TRPM3: variants seen among roughly 807,000 people sequenced by gnomAD.
TRPM3 encodes the protein long transient receptor potential channel 3.
A neutral mutation model predicts 181.2 loss-of-function variants in TRPM3; 77 were observed. The observed-to-expected ratio is 0.42, with a 90% CI of 0.35 to 0.51. TRPM3 has a LOEUF of 0.51. Ranked by LOEUF, TRPM3 falls within the 20% of genes least tolerant of loss-of-function variation. The pLI is 0.01. For synonymous variants in TRPM3, 745 were observed against 796.4 expected, an observed-to-expected ratio of 0.94 and a Z score of 1.09; for missense variants, 1,759 against 2,196.7, an observed-to-expected ratio of 0.80 and a Z score of 3.98.
intron 1 of TRPM3, among the ~76,000 whole-genome samples, chr9:71,190,831 G>A (rs2077976086): frequency 6.6e-6 from 1 of 151,738 alleles, no homozygotes; most frequent in Non-Finnish European, 1.5e-5. Flanking sequence ...CGTCCTGTAA[G>A]GACTCTACGA....
intron 1 of TRPM3, among the ~76,000 whole-genome samples, chr9:71,219,077 T>C (rs1588010827): frequency 6.6e-6 from 1 of 152,218 alleles, no homozygotes. Flanking sequence ...GGTGGTTTCA[T>C]GGCTGTGTAA....
At chr9:71,239,924 C>CTGTT (rs10688385) in intron 1 of TRPM3, among the ~76,000 whole-genome samples, 64,998 of 151,484 alleles carry the variant, frequency 0.43, 14,278 homozygotes, top group East Asian at 0.52. Flanking sequence ...TTTTCAAAGA[C>CTGTT]TGCCTATTTA....
intron 6 of TRPM3, chr9:70,825,055 G>A (rs1468975811): frequency 6.6e-6 from 1 of 152,142 alleles, no homozygotes; most frequent in African/African-American, 2.4e-5. Context: ...CAGTAATGAG[G>A]GAAGTTGACC....
chr9:70,986,130 C>A (rs35118068), intron 1 of TRPM3, among the ~76,000 whole-genome samples: 1 of 151,972 alleles, frequency 6.6e-6, no homozygotes, highest in African/African-American at 2.4e-5. Flanking sequence ...GAGGCCAAGG[C>A]AGGAGGATCC....
At chr9:71,156,376 G>C (rs1028160225) in intron 1 of TRPM3, among the ~76,000 whole-genome samples, 9 of 138,372 alleles carry the variant, frequency 6.5e-5, no homozygotes, top group African/African-American at 8.0e-5. Flanking sequence ...ATATACTACA[G>C]ACACACACAC....
intron 1 of TRPM3, among the ~76,000 whole-genome samples, chr9:71,256,822 A>G (rs995180157): frequency 3.3e-5 from 5 of 152,192 alleles, no homozygotes; most frequent in African/African-American, 1.2e-4. Context: ...GGCTGATATG[A>G]AATTTGAAGG....
intron 19 of TRPM3, among the ~76,000 whole-genome samples, chr9:70,606,610 TTGACA>T (rs938014298): frequency 5.3e-5 from 8 of 150,276 alleles, no homozygotes; most frequent in African/African-American, 2.0e-4. Context: ...GTAGATTATC[TTGACA>T]TGACATGCTT....
chr9:71,168,648 T>TG (rs1178385159), intron 1 of TRPM3, among the ~76,000 whole-genome samples: 8 of 148,088 alleles, frequency 5.4e-5, no homozygotes, highest in Non-Finnish European at 1.0e-4. Context: ...TTTATTTTTT[T>TG]TTTTATTATT....
At chr9:70,983,667 C>T (rs3124518) in intron 1 of TRPM3, among the ~76,000 whole-genome samples, 149,598 of 152,332 alleles carry the variant, frequency 0.98, 73,504 homozygotes, top group East Asian at 1. Flanking sequence ...AGCCTGATTA[C>T]AGGCTGTTGG....
intron 3 of TRPM3, among the ~76,000 whole-genome samples, chr9:70,854,819 T>C (rs1251003056): frequency 1.3e-5 from 2 of 152,196 alleles, no homozygotes; most frequent in African/African-American, 4.8e-5. Context: ...CTCAAGAATG[T>C]TCTGTATGAA....
intron 1 of TRPM3, among the ~76,000 whole-genome samples, chr9:71,282,344 GAA>G (rs1194087405): frequency 1.1e-5 from 1 of 90,004 alleles, no homozygotes; most frequent in East Asian, 2.4e-4. Flanking sequence ...GAGAAAGAAA[GAA>G]AAGAAAGAAA....
At chr9:71,203,627 C>T (rs2078937681) in intron 1 of TRPM3, among the ~76,000 whole-genome samples, 1 of 152,090 alleles carries the variant, frequency 6.6e-6, no homozygotes, top group African/African-American at 2.4e-5. Context: ...GTTACTTGAC[C>T]TCTCTGTGTC....
At chr9:70,577,474 G>A (rs1020300572) in intron 22 of TRPM3, among the ~76,000 whole-genome samples, 7 of 152,198 alleles carry the variant, frequency 4.6e-5, no homozygotes, top group Admixed American at 4.6e-4. Context: ...GAGTCAGAGT[G>A]TATCATGTGC....
In TRPM3 at chr9:71,019,646, A is replaced by G. The variant is rs563688066; in HGVS notation, c.177+101532T>C. On this transcript the variant is annotated intron_variant, in intron 1 of 25. Transcript: ENST00000677713. ...GGAATATTGATATTGTAATGATGCCAAATCTCTGCAAATTGACCTATAGAT... is the reference window on the plus strand; with the variant it reads ...GGAATATTGATATTGTAATGATGCCGAATCTCTGCAAATTGACCTATAGAT... Among the ~76,000 whole-genome samples, 29 of 152,276 alleles carry G rather than the reference A, an allele frequency of 1.9e-4. No individual in the cohort carries two copies. In the East Asian group the frequency reaches 5.0e-3, roughly 26 times the overall value.
chr9:70,751,999 A>AGTGTGTGTGTGT (rs71507124), intron 8 of TRPM3, among the ~76,000 whole-genome samples: 33 of 104,536 alleles, frequency 3.2e-4, no homozygotes, highest in Non-Finnish European at 4.2e-4. Flanking sequence ...ACATCTCAAC[A>AGTGTGTGTGTGT]GTGTGTGTGT....
intron 25 of TRPM3, among the ~76,000 whole-genome samples, chr9:70,548,599 C>T (rs2045659973): frequency 6.6e-6 from 1 of 152,314 alleles, no homozygotes; most frequent in East Asian, 1.9e-4. Flanking sequence ...CCTTTCTACA[C>T]TATTTCTAAT....
chr9:70,887,216 G>A (rs913432149), intron 1 of TRPM3, among the ~76,000 whole-genome samples: 1 of 152,128 alleles, frequency 6.6e-6, no homozygotes, highest in African/African-American at 2.4e-5. Context: ...ATCTAGTTTA[G>A]GTTGTTTCAG....
rs1564609017 is a variant in TRPM3, at chr9:70,625,177, G to GCAGC, written c.1809+10_1809+13dup. 6.2e-7 allele frequency: 1 copy of GCAGC among 1,613,728 alleles called. No individual in the cohort carries two copies. Among genetic ancestry groups the GCAGC allele is most frequent in the Admixed American group, 1.7e-5 (1 of 60,006 alleles). Reference sequence around the variant, plus strand: ...TCCTCCCAGGAAGGGCCCCGAATTTGCAGCCAGCCTCACCCTCTTGGGGCC... The same window carrying GCAGC: ...TCCTCCCAGGAAGGGCCCCGAATTTGCAGCCAGCCAGCCTCACCCTCTTGGGGCC... On this transcript the variant is annotated intron_variant, in intron 14 of 25. Transcript: ENST00000677713. This position sits in a 1 kb window ranked among gnomAD's most constrained non-coding sequence, Gnocchi z 4.8.
chr9:70,659,195 G>C (rs1366861522), intron 9 of TRPM3, among the ~76,000 whole-genome samples: 2 of 152,112 alleles, frequency 1.3e-5, no homozygotes, highest in Non-Finnish European at 2.9e-5. Flanking sequence ...GACTGGAATG[G>C]TGTGCTTTCC....
Sources: allele counts gnomAD v4.1 joint callset (sites outside exome capture counted in the v4.1 genomes callset), GRCh38; gene constraint gnomAD v4.1.1; non-coding constraint Gnocchi (gnomAD v3.1); transcripts MANE v1.5; gene names NCBI Gene and HGNC (gene_info 2026-07-23, HGNC 2026-07-21).